Variants in GHR observed in about 807,000 individuals in gnomAD.
GHR encodes growth hormone receptor.
Under a neutral mutation model 67.1 loss-of-function variants are expected in GHR, and 35 were observed. The observed-to-expected ratio is 0.52, with a 90% confidence interval of 0.40 to 0.69. GHR has a LOEUF of 0.69. Ranked by LOEUF, GHR falls within the 30% of genes least tolerant of loss-of-function variation. GHR has a pLI of 0.00. For missense variants in GHR, 792 were observed against 764.6 expected, an observed-to-expected ratio of 1.04 and a Z score of -0.42; for synonymous variants, 272 against 269.1, an observed-to-expected ratio of 1.01 and a Z score of -0.10.
chr5:42,575,542 G>A (rs1431516867), intron 2 of GHR, among the ~76,000 whole-genome samples: 1 of 152,002 alleles, frequency 6.6e-6, no homozygotes, highest in Non-Finnish European at 1.5e-5. Flanking sequence ...TGTCTCAGCA[G>A]ATTTTGAGTT....
chr5:42,660,679 C>G (rs966028576), intron 3 of GHR, among the ~76,000 whole-genome samples: 7 of 152,164 alleles, frequency 4.6e-5, no homozygotes, highest in Non-Finnish European at 1.0e-4. Context: ...AGCAGAAAAA[C>G]TGGAAACTCT....
chr5:42,490,464 C>T (rs1450544750), intron 1 of GHR, among the ~76,000 whole-genome samples: 2 of 152,150 alleles, frequency 1.3e-5, no homozygotes, highest in Non-Finnish European at 2.9e-5. Flanking sequence ...TTTGCTGTGC[C>T]CAGGGCTTTG....
At chr5:42,527,381 A>T (rs550456416) in intron 1 of GHR, among the ~76,000 whole-genome samples, 2 of 152,358 alleles carry the variant, frequency 1.3e-5, no homozygotes, top group East Asian at 3.9e-4. Flanking sequence ...TACCAGGCAA[A>T]TGGAAAACAG....
chr5:42,435,944 C>G (rs965885541), intron 1 of GHR, among the ~76,000 whole-genome samples: 3 of 152,172 alleles, frequency 2.0e-5, no homozygotes, highest in Non-Finnish European at 4.4e-5. Flanking sequence ...ATCACAGCAA[C>G]AAGAACAAAG....
chr5:42,514,314 T>G (rs1321505846), intron 1 of GHR: 3 of 976,860 alleles, frequency 3.1e-6, no homozygotes, highest in African/African-American at 1.8e-5. Context: ...GAAGATAAAT[T>G]CACACTTCAC....
intron 5 of GHR, among the ~76,000 whole-genome samples, chr5:42,696,596 C>T (rs1407485148): frequency 6.6e-6 from 1 of 152,098 alleles, no homozygotes; most frequent in Admixed American, 6.5e-5. Flanking sequence ...ACTTAGTAGT[C>T]CCAACATGTT....
chr5:42,557,781 C>T (rs1036196577), intron 1 of GHR, among the ~76,000 whole-genome samples: 12 of 152,218 alleles, frequency 7.9e-5, no homozygotes, highest in Admixed American at 6.5e-4. Context: ...TAAATGTGAT[C>T]AGCTGCCAGT....
At chr5:42,589,713 A>T (rs13176410) in intron 2 of GHR, among the ~76,000 whole-genome samples, 45,160 of 152,080 alleles carry the variant, frequency 0.3, 7,469 homozygotes, top group African/African-American at 0.42. Context: ...ATATAAGAGG[A>T]TTGACAGGTT....
intron 2 of GHR, among the ~76,000 whole-genome samples, chr5:42,577,954 G>A (rs920635552): frequency 7.2e-5 from 11 of 152,066 alleles, no homozygotes; most frequent in Non-Finnish European, 1.2e-4. Flanking sequence ...TTTCCTATAC[G>A]ATATACTTAA....
chr5:42,442,912 A>G (rs541782502), intron 1 of GHR, among the ~76,000 whole-genome samples: 23 of 152,334 alleles, frequency 1.5e-4, no homozygotes, highest in African/African-American at 4.8e-4. Context: ...TGACATTAGA[A>G]GTCCAAAGGG....
chr5:42,714,508 AG>A (rs1167195428), intron 8 of GHR, among the ~76,000 whole-genome samples: 1 of 152,238 alleles, frequency 6.6e-6, no homozygotes, highest in African/African-American at 2.4e-5. Context: ...ACTTCAAAAC[AG>A]AATTTTGTTA....
At chr5:42,493,249 G>A (rs1746189818) in intron 1 of GHR, among the ~76,000 whole-genome samples, 1 of 152,152 alleles carries the variant, frequency 6.6e-6, no homozygotes, top group African/African-American at 2.4e-5. Context: ...TGTTGCTTAA[G>A]AATAAAGCTG....
At chr5:42,528,248 A>G (rs948830995) in intron 1 of GHR, among the ~76,000 whole-genome samples, 2 of 152,176 alleles carry the variant, frequency 1.3e-5, no homozygotes, top group African/African-American at 2.4e-5. Context: ...TACATTAAAA[A>G]CCTTATGGAA....
At chr5:42,702,132 G>C (rs1037859068) in intron 6 of GHR, among the ~76,000 whole-genome samples, 2 of 152,016 alleles carry the variant, frequency 1.3e-5, no homozygotes, top group East Asian at 3.9e-4. Context: ...TCACCATTTT[G>C]CACAATAGAT....
At chr5:42,588,937 A>G (rs1751635557) in intron 2 of GHR, among the ~76,000 whole-genome samples, 1 of 152,222 alleles carries the variant, frequency 6.6e-6, no homozygotes, top group Admixed American at 6.5e-5. Context: ...CTTACAACAT[A>G]TTATGAGAAA....
intron 1 of GHR, among the ~76,000 whole-genome samples, chr5:42,562,267 G>C (rs925872551): frequency 2.0e-5 from 3 of 152,196 alleles, no homozygotes; most frequent in East Asian, 1.9e-4. Flanking sequence ...GAGGGCACTA[G>C]AGAGAGTTCT....
At chr5:42,635,047 G>A (rs1246519717) in intron 3 of GHR, among the ~76,000 whole-genome samples, 2 of 151,770 alleles carry the variant, frequency 1.3e-5, no homozygotes, top group Non-Finnish European at 2.9e-5. Context: ...GCAGTAGAGA[G>A]CAGATTTGAT....
chr5:42,684,806 A>C (rs915089126), intron 3 of GHR, among the ~76,000 whole-genome samples: 1 of 152,106 alleles, frequency 6.6e-6, no homozygotes, highest in African/African-American at 2.4e-5. Flanking sequence ...TGCTATCCCC[A>C]ACCTGTGCTC....
chr5:42,682,701 T>C (rs1158811392), intron 3 of GHR, among the ~76,000 whole-genome samples: 1 of 152,222 alleles, frequency 6.6e-6, no homozygotes, highest in Non-Finnish European at 1.5e-5. Context: ...CTGTGATACA[T>C]TCCATTTGCT....
Sources: allele counts gnomAD v4.1 joint callset (sites outside exome capture counted in the v4.1 genomes callset), GRCh38; gene constraint gnomAD v4.1.1; transcripts MANE v1.5; gene names NCBI Gene and HGNC (gene_info 2026-07-23, HGNC 2026-07-21).